Variants in TNXB observed in about 807,000 individuals in gnomAD.
TNXB encodes tenascin XB.
In TNXB, 183 loss-of-function variants were observed where a neutral mutation model predicts 340.5. The ratio of observed to expected loss-of-function variants is 0.54; its 90% CI spans 0.48 to 0.61. The LOEUF is 0.61. TNXB is among the 20% of genes least tolerant of loss of function. The probability of loss-of-function intolerance (pLI) is 0.00; values close to 1 mark genes in which losing one functional copy is unlikely to be tolerated. For missense variants in TNXB, 4,613 were observed against 5,446.4 expected (o/e 0.85, Z 4.82); for synonymous variants, 2,121 against 2,314.5 (o/e 0.92, Z 2.40).
rs370024421 is a variant in TNXB, at chr6:32,097,034, G to A, written c.819C>T (p.Asp273=). 28 of 1,606,938 alleles carry A rather than the reference G, an allele frequency of 1.7e-5. No homozygotes were observed. The highest frequency in any genetic ancestry group is 1.6e-4 in the East Asian group (7 of 44,610). The change falls in exon 3 of 44, where the codon GAC becomes GAT. Residue 273 remains aspartate, a synonymous_variant. Transcript: ENST00000644971. This position sits in a 1 kb window ranked among gnomAD's most constrained non-coding sequence, Gnocchi z 5.9. The part of the protein sequence containing the change: ...RCVCDPGYTG[D]DCGMRSCPRG... ...GAGGGCAGCTCCTCATGCCACAGTC[G>A]TCACCAGTGTAGCCTGGGTCACACA... is the stretch of plus-strand genomic sequence containing the variant.
In TNXB at chr6:32,057,926, G is replaced by A. The variant is rs922317738; in HGVS notation, c.7825+132C>T. 5.2e-6 allele frequency: 6 copies of A among 1,165,042 alleles called. No individual in the cohort carries two copies. The African/African-American group carries it at 9.3e-5, about 18-fold the overall frequency. The allele number at this position is 1,165,042 out of a possible 1,614,324, so 72.2% of individuals were successfully genotyped here. A position where few individuals can be genotyped will look rare whatever the true frequency, so the allele number is the denominator to read the frequency against. On this transcript the variant is annotated intron_variant, in intron 22 of 43. Coordinates refer to ENST00000644971, the MANE Select transcript of TNXB (RefSeq NM_001365276.2). ...ATTGCAGCCTGTCTCTCCATGACAT[G>A]TCTTTCCATAATGTTGCTATATTCC...
intron 34 of TNXB, 39 bp from the exon 35 acceptor site, chr6:32,043,931 C>G: frequency 1.9e-6 from 3 of 1,613,018 alleles, no homozygotes; most frequent in Non-Finnish European, 2.5e-6. Flanking sequence ...CAGGGAACCC[C>G]AGGGCAGCTG....
At chr6:32,086,885 G>T (rs1270704308) in intron 6 of TNXB, among the ~76,000 whole-genome samples, 2 of 152,202 alleles carry the variant, frequency 1.3e-5, no homozygotes, top group African/African-American at 4.8e-5. Context: ...GTCAGAACGG[G>T]AATCACTGTT....
rs1022127250 is a variant in TNXB at position 32,055,948 on chromosome 6, G to A, written c.8370C>T (p.Thr2790=). Residue 2790 remains threonine, a synonymous_variant, in exon 24 of 44, where the codon ACC becomes ACT. Transcript: ENST00000644971. The stretch of plus-strand genomic sequence containing the variant: ...TGCGCCCGGGCTCCAGGCCCCCCAC[G>A]GTGACCTCGCTCTCCTCGCCCCTGA... ...MRVRGEESEV[T]VGGLEPGRKY... 5 of 1,613,394 alleles carry A rather than the reference G, an allele frequency of 3.1e-6. No individual in the cohort carries two copies. Among genetic ancestry groups the A allele is most frequent in the East Asian group, 2.2e-5 (1 of 44,884 alleles).
Position 32,058,390 on chromosome 6 carries a change from G to C in TNXB, c.7493C>G (p.Ala2498Gly), listed in dbSNP as rs1280044615. The part of the protein sequence containing the change: ...VGPVSTVGVT[A>G]PQEDVDETPS... ...GGTCTCGTCCACATCCTCTTGTGGG[G>C]CTGAAAGGTAATATAGGGGGATACA... Residue 2498 changes from alanine (A) to glycine (G), a missense_variant and splice_region_variant, in exon 22 of 44, where the codon GCC (alanine) becomes GGC (glycine). Coordinates refer to ENST00000644971, the MANE Select transcript of TNXB (RefSeq NM_001365276.2). The surrounding 1 kb of genome is among the most constrained non-coding windows in gnomAD (Gnocchi z 5.1). 2 of 1,597,704 alleles carry C rather than the reference G, an allele frequency of 1.3e-6. No homozygotes were observed. The highest frequency in any genetic ancestry group is 1.7e-6 in the Non-Finnish European group (2 of 1,172,336).
At chr6:32,054,635 T>C (rs1777521552) in intron 24 of TNXB, among the ~76,000 whole-genome samples, 1 of 152,244 alleles carries the variant, frequency 6.6e-6, no homozygotes, top group Non-Finnish European at 1.5e-5. Flanking sequence ...TCACTGTCCC[T>C]TCCCAATCCT....
In TNXB at chr6:32,095,903, G is replaced by A; in HGVS notation, c.1950C>T (p.Arg650=). ...GTCCCCGGCAGTCAGCCGGGCACAT[G>A]CGGGTGGCACAGGTAGGGCCGGTGT... ...PGYTGPTCAT[R]MCPADCRGRG... is the part of the protein sequence containing the mutation. Residue 650 remains arginine (R), a synonymous_variant, in exon 3 of 44, where the codon CGC becomes CGT. Coordinates refer to ENST00000644971, the MANE Select transcript of TNXB (RefSeq NM_001365276.2). 1 of 1,612,766 alleles carries A rather than the reference G, an allele frequency of 6.2e-7. No homozygotes were observed. Among genetic ancestry groups the A allele is most frequent in the South Asian group, 1.1e-5 (1 of 90,996 alleles).
Position 32,069,099 on chromosome 6 carries a change from C to G in TNXB, c.5625G>C (p.Pro1875=), listed in dbSNP as rs376314262. 3.1e-6 allele frequency: 5 copies of G among 1,611,302 alleles called. No individual in the cohort carries two copies. In the African/African-American group the frequency reaches 5.3e-5, roughly 17 times the overall value. The change falls in exon 16 of 44, where the codon CCG becomes CCC. Residue 1875 remains proline, a synonymous_variant. Transcript: ENST00000644971. The surrounding 1 kb of genome is among the most constrained non-coding windows in gnomAD (Gnocchi z 6.2). ...REETETETTA[P]TPPAPEPHLG... is the part of the protein sequence containing the mutation. ...GGTGGGGCTCAGGCGCTGGAGGGGTCGGGGCCGTGGTCTCAGTTTCCGTTT... is the reference window on the plus strand; with the variant it reads ...GGTGGGGCTCAGGCGCTGGAGGGGTGGGGGCCGTGGTCTCAGTTTCCGTTT...
In TNXB at chr6:32,052,267, C is replaced by T. The variant is rs531073652; in HGVS notation, c.9115+403G>A. ...GAGATTGAGACCATCCTGGCTAACA[C>T]GGTGAAACCCATCTCTACTAAAAAT... On this transcript the variant is annotated intron_variant, in intron 26 of 43. Transcript: ENST00000644971. The surrounding 1 kb of genome is among the most constrained non-coding windows in gnomAD (Gnocchi z 4.7). Among the ~76,000 whole-genome samples the T allele has an allele frequency of 1.2e-4, 18 of 152,104 alleles. No individual in the cohort carries two copies. The highest frequency in any genetic ancestry group is 1.9e-4 in the East Asian group (1 of 5,162).
chr6:32,104,386 C>T (rs551654733), intron 1 of TNXB, among the ~76,000 whole-genome samples: 4 of 152,208 alleles, frequency 2.6e-5, no homozygotes, highest in Admixed American at 6.5e-5. Context: ...GTAACCTGAA[C>T]TCACGGTCAC....
rs745870491 is a variant in TNXB, at chr6:32,062,266, C to T, written c.7059G>A (p.Glu2353=). 1 of 1,613,364 alleles carries T rather than the reference C, an allele frequency of 6.2e-7. No homozygotes were observed. Among genetic ancestry groups the T allele is most frequent in the South Asian group, 1.1e-5 (1 of 91,078 alleles). ...QPKATRVPGH[E]DRVTISGLEP... ...CCAGGCCGGAGATGGTGACCCTGTC[C>T]TCATGTCCTGGCACCCGTGTTGCCT... Residue 2353 remains glutamate, a synonymous_variant, in exon 20 of 44, where the codon GAG becomes GAA. Transcript: ENST00000644971. This position sits in a 1 kb window ranked among gnomAD's most constrained non-coding sequence, Gnocchi z 4.3.
At chr6:32,071,855 A>C (rs1778791361) in intron 13 of TNXB, 135 bp downstream of exon 13, 1 of 749,586 alleles carries the variant, frequency 1.3e-6, no homozygotes, top group African/African-American at 1.8e-5. Context: ...TACAGGCATG[A>C]GTCACTGTGC....
At chr6:32,050,986 T>C (rs1777254116) in intron 26 of TNXB, among the ~76,000 whole-genome samples, 2 of 152,210 alleles carry the variant, frequency 1.3e-5, no homozygotes, top group African/African-American at 4.8e-5. Flanking sequence ...TCCTCATCCC[T>C]GGGAGACCCC....
In TNXB at chr6:32,080,272, G is replaced by A. The variant is rs1779361441; in HGVS notation, c.4043-907C>T. ...GTCGCCCAGGCTGGAATGCAGTGGC[G>A]CGATCTCGGCTCACTGCAAGCTCCG... On this transcript the variant is annotated intron_variant, in intron 10 of 43. Transcript: ENST00000644971. This position sits in a 1 kb window ranked among gnomAD's most constrained non-coding sequence, Gnocchi z 4.3. Among the ~76,000 whole-genome samples, 1 of 151,706 alleles carries A rather than the reference G, an allele frequency of 6.6e-6. No homozygotes were observed. Among genetic ancestry groups the A allele is most frequent in the Admixed American group, 6.6e-5 (1 of 15,240 alleles).
intron 1 of TNXB, among the ~76,000 whole-genome samples, chr6:32,107,130 C>T (rs1781024337): frequency 6.6e-6 from 1 of 152,222 alleles, no homozygotes; most frequent in South Asian, 2.1e-4. Context: ...AGGAACAAAG[C>T]AGGAGGCCCT....
At position 32,089,025 on chromosome 6, in the gene TNXB, G is replaced by A. The variant is rs1457212828; in HGVS notation, c.2539C>T (p.Arg847Ter). Reference protein sequence around the residue: ...TTMIDGPQDLRVVAVTPTTLE... With the variant: ...TTMIDGPQDL ...GTTGTCGGTGTCACAGCCACCACTC[G>A]GAGGTCCTGGGGCCCATCGATCACT... The change falls in exon 6 of 44, where the codon CGA becomes TGA. Residue 847 changes from arginine to a stop codon, truncating the protein, a stop_gained. Transcript: ENST00000644971. LOFTEE classifies it high-confidence loss of function. This position sits in a 1 kb window ranked among gnomAD's most constrained non-coding sequence, Gnocchi z 6.2. 2 of 1,610,702 alleles carry A rather than the reference G, an allele frequency of 1.2e-6. No homozygotes were observed. The highest frequency in any genetic ancestry group is 1.7e-6 in the Non-Finnish European group (2 of 1,178,816).
At position 32,046,459 on chromosome 6, in the gene TNXB, G is replaced by C; in HGVS notation, c.10325-3C>G. Reference sequence around the variant, plus strand: ...AGGTAGCTCCTTCTCCAGGGGAGCTGTGCAGAGGGAGGAGGGAAAGCTCTT... The same window carrying C: ...AGGTAGCTCCTTCTCCAGGGGAGCTCTGCAGAGGGAGGAGGGAAAGCTCTT... On this transcript the variant is annotated splice_region_variant and splice_polypyrimidine_tract_variant and intron_variant, in intron 30 of 43. Coordinates refer to ENST00000644971, the MANE Select transcript of TNXB (RefSeq NM_001365276.2). This position sits in a 1 kb window ranked among gnomAD's most constrained non-coding sequence, Gnocchi z 6.9. 1 of 1,562,758 alleles carries C rather than the reference G, an allele frequency of 6.4e-7. No homozygotes were observed. The highest frequency in any genetic ancestry group is 8.7e-7 in the Non-Finnish European group (1 of 1,148,590).
At position 32,090,219 on chromosome 6, in the gene TNXB, A is replaced by G. The variant is rs1780015482; in HGVS notation, c.2359-840T>C. Among the ~76,000 whole-genome samples, 1 of 152,248 alleles carries G rather than the reference A, an allele frequency of 6.6e-6. No individual in the cohort carries two copies. Among genetic ancestry groups the G allele is most frequent in the African/African-American group, 2.4e-5 (1 of 41,464 alleles). On this transcript the variant is annotated intron_variant, in intron 4 of 43. Coordinates refer to ENST00000644971, the MANE Select transcript of TNXB (RefSeq NM_001365276.2). This position sits in a 1 kb window ranked among gnomAD's most constrained non-coding sequence, Gnocchi z 4.3. ...CTGTCCTCAGGTAGCTGAGACTCTA[A>G]TAGCTAAATGTATGGCCACATCTTG... is the stretch of plus-strand genomic sequence containing the variant.
intron 21 of TNXB, among the ~76,000 whole-genome samples, chr6:32,059,625 C>T (rs933427180): frequency 5.9e-5 from 9 of 151,764 alleles, no homozygotes; most frequent in Non-Finnish European, 1.0e-4. Flanking sequence ...AGCTTACCCC[C>T]GGAATGTGAA....
Sources: gnomAD v4.1 joint callset for allele counts (sites outside exome capture counted in the v4.1 genomes callset) on GRCh38, gnomAD v4.1.1 for gene constraint, Gnocchi (gnomAD v3.1) non-coding constraint, MANE v1.5 for transcripts, NCBI Gene and HGNC (gene_info 2026-07-23, HGNC 2026-07-21) for gene names.